The following EML1 variants were observed in gnomAD, a reference collection of about 807,000 sequenced individuals.
EML1 encodes echinoderm microtubule-associated protein-like 1.
Under a neutral mutation model 110.4 loss-of-function variants are expected in EML1, and 27 were observed. The ratio of observed to expected loss-of-function variants is 0.24; its 90% CI spans 0.18 to 0.34. The LOEUF (loss-of-function observed/expected upper bound fraction) is 0.34. EML1 is among the 10% of genes least tolerant of loss of function. The pLI, the probability that EML1 is intolerant of heterozygous loss-of-function variation, is 1.00. For synonymous variants in EML1, 344 were observed against 385.8 expected (o/e 0.89, Z 1.27); for missense variants, 741 against 1,030.9 (o/e 0.72, Z 3.85).
At position 99,851,050 on chromosome 14, in the gene EML1, G is replaced by C; in HGVS notation, c.250+15G>C. The C allele has an allele frequency of 6.2e-7, 1 of 1,602,924 alleles. No individual in the cohort carries two copies. The highest frequency in any genetic ancestry group is 8.5e-7 in the Non-Finnish European group (1 of 1,171,474). ...ACCTACCAAAGGTGGGCGTTTGAGTGACACAGGAACTTCAGTAGAATTGGT... is the reference window on the plus strand; with the variant it reads ...ACCTACCAAAGGTGGGCGTTTGAGTCACACAGGAACTTCAGTAGAATTGGT... On this transcript the variant is annotated intron_variant, in intron 2 of 21. Transcript: ENST00000262233.
chr14:99,850,765 G>A, intron 1 of EML1, 88 bp from the exon 2 acceptor site: 3 of 1,417,540 alleles, frequency 2.1e-6, no homozygotes, highest in Non-Finnish European at 1.9e-6. Context: ...AAAACAATGG[G>A]CTTAAAACAG....
chr14:99,929,711 G>A (rs1012798836), intron 17 of EML1, among the ~76,000 whole-genome samples: 1 of 152,184 alleles, frequency 6.6e-6, no homozygotes, highest in African/African-American at 2.4e-5. Context: ...AGACTAAAGA[G>A]AGAGAGAGAG....
intron 1 of EML1, among the ~76,000 whole-genome samples, chr14:99,766,395 T>C (rs1433597341): frequency 1.3e-5 from 2 of 152,038 alleles, no homozygotes; most frequent in Non-Finnish European, 2.9e-5. Context: ...GGTTTCACTA[T>C]GTTGGCCAGG....
intron 1 of EML1, among the ~76,000 whole-genome samples, chr14:99,828,150 T>A (rs1247643220): frequency 6.6e-6 from 1 of 152,246 alleles, no homozygotes; most frequent in African/African-American, 2.4e-5. Context: ...TTTTGAATAT[T>A]TCTGTTCGCT....
At chr14:99,879,298 T>C (rs1271032257) in intron 4 of EML1, among the ~76,000 whole-genome samples, 1 of 152,222 alleles carries the variant, frequency 6.6e-6, no homozygotes, top group Non-Finnish European at 1.5e-5. Flanking sequence ...TAATGTACTT[T>C]GTAAAGAAAA....
chr14:99,865,059 C>A (rs1000443256), intron 2 of EML1, among the ~76,000 whole-genome samples: 2 of 152,056 alleles, frequency 1.3e-5, no homozygotes, highest in African/African-American at 4.8e-5. Context: ...TACCTTCTTT[C>A]TTATTATTTA....
At chr14:99,920,255 C>G (rs2060107647) in intron 16 of EML1, among the ~76,000 whole-genome samples, 1 of 152,172 alleles carries the variant, frequency 6.6e-6, no homozygotes, top group South Asian at 2.1e-4. Context: ...CCAATTTCTC[C>G]CATTTGCTCT....
chr14:99,853,254 A>C (rs1228836068), intron 2 of EML1, among the ~76,000 whole-genome samples: 1 of 152,244 alleles, frequency 6.6e-6, no homozygotes, highest in Non-Finnish European at 1.5e-5. Context: ...GAAGTAAAAA[A>C]AAGATTCACA....
chr14:99,823,831 A>G (rs2058304990), intron 1 of EML1, among the ~76,000 whole-genome samples: 1 of 152,106 alleles, frequency 6.6e-6, no homozygotes, highest in South Asian at 2.1e-4. Context: ...GTATCTCTCT[A>G]CTTAAACTGG....
At chr14:99,859,521 C>T (rs2058963808) in intron 2 of EML1, among the ~76,000 whole-genome samples, 1 of 152,162 alleles carries the variant, frequency 6.6e-6, no homozygotes, top group Non-Finnish European at 1.5e-5. Flanking sequence ...TGAGCAAAGG[C>T]TTTCCTTTAT....
chr14:99,906,027 T>C (rs2059839922), intron 9 of EML1, among the ~76,000 whole-genome samples: 1 of 152,140 alleles, frequency 6.6e-6, no homozygotes, highest in Non-Finnish European at 1.5e-5. Flanking sequence ...ACCAGAAAGA[T>C]GTTACCAGAC....
intron 1 of EML1, among the ~76,000 whole-genome samples, chr14:99,757,668 G>C (rs2057272242): frequency 1.3e-5 from 2 of 152,184 alleles, no homozygotes. Context: ...ATGAATCACT[G>C]TCTTGGGTTT....
intron 9 of EML1, chr14:99,907,383 G>A: frequency 2.3e-6 from 1 of 438,634 alleles, no homozygotes; most frequent in Non-Finnish European, 4.0e-6. Flanking sequence ...TAGGAGGATT[G>A]CTTGAGCCTG....
intron 17 of EML1, among the ~76,000 whole-genome samples, chr14:99,927,791 T>TGGTG (rs1223740048): frequency 2.1e-5 from 1 of 46,648 alleles, no homozygotes; most frequent in East Asian, 6.4e-4. Context: ...GTGGTGGTGG[T>TGGTG]ATTGGTGGTG....
intron 1 of EML1, among the ~76,000 whole-genome samples, chr14:99,739,569 C>G (rs931950574): frequency 4.6e-5 from 7 of 152,160 alleles, no homozygotes; most frequent in African/African-American, 1.7e-4. Flanking sequence ...CAGGCTGGCT[C>G]TGTCTGCCCT....
chr14:99,923,628 A>G (rs2060172518), intron 17 of EML1, among the ~76,000 whole-genome samples: 1 of 113,568 alleles, frequency 8.8e-6, no homozygotes, highest in African/African-American at 2.9e-5. Context: ...ATTTCCGGAT[A>G]CTCAGTTCTG....
At chr14:99,749,068 G>A (rs72708333) in intron 1 of EML1, among the ~76,000 whole-genome samples, 23,148 of 152,238 alleles carry the variant, frequency 0.15, 2,213 homozygotes, top group South Asian at 0.25. Context: ...CAGTGGACGG[G>A]CATTTGGGTT....
chr14:99,752,749 G>A (rs1341943457), intron 1 of EML1, among the ~76,000 whole-genome samples: 1 of 152,224 alleles, frequency 6.6e-6, no homozygotes, highest in East Asian at 1.9e-4. Context: ...CCCCCTTTAA[G>A]GAAGTGATTT....
intron 16 of EML1, among the ~76,000 whole-genome samples, chr14:99,918,105 T>C (rs2060065366): frequency 6.6e-6 from 1 of 152,126 alleles, no homozygotes; most frequent in Non-Finnish European, 1.5e-5. Flanking sequence ...ACACACACAC[T>C]TTTTTTGTTT....
Sources: allele counts gnomAD v4.1 joint callset (sites outside exome capture counted in the v4.1 genomes callset), GRCh38; gene constraint gnomAD v4.1.1; transcripts MANE v1.5; gene names NCBI Gene and HGNC (gene_info 2026-07-23, HGNC 2026-07-21).